SOCS5: variants seen among roughly 807,000 people sequenced by gnomAD.
The protein encoded by SOCS5 is CIS-6.
Under a neutral mutation model 42.8 loss-of-function variants are expected in SOCS5, and 32 were observed. That is an observed-to-expected ratio of 0.75 (90% CI 0.56 to 1.01). The LOEUF is 1.01. SOCS5 is among the 50% of genes least tolerant of loss of function. The pLI, the probability that SOCS5 is intolerant of heterozygous loss-of-function variation, is 0.00. For synonymous variants in SOCS5, 283 were observed against 229.6 expected (o/e 1.23, Z -2.10); for missense variants, 627 against 653.0 (o/e 0.96, Z 0.43).
intron 1 of SOCS5, among the ~76,000 whole-genome samples, chr2:46,732,854 A>G (rs948336240): frequency 2.6e-5 from 4 of 152,168 alleles, no homozygotes; most frequent in African/African-American, 9.7e-5. Context: ...ATCTCTTGAT[A>G]TTAAGGGCCA....
Position 46,758,967 on chromosome 2 carries a change from G to C in SOCS5, c.437G>C (p.Arg146Pro), listed in dbSNP as rs768070642. 6.2e-7 allele frequency: 1 copy of C among 1,613,822 alleles called. No individual in the cohort carries two copies. The highest frequency in any genetic ancestry group is 1.3e-5 in the African/African-American group (1 of 74,928). ...LDADKKFGRT[R>P]SGLQRRERRY... ...GCTGATAAAAAGTTTGGTAGAACTC[G>C]AAGTGGACTTCAAAGGAGAGAGAGG... Residue 146 changes from arginine to proline, a missense_variant, in exon 2 of 2, where the codon CGA (arginine) becomes CCA (proline). Arg to Pro is a moderately radical substitution (Grantham distance 103). Transcript: ENST00000394861.
chr2:46,699,942 G>A lies in SOCS5; in HGVS notation c.-13+493G>A, dbSNP rs1013814020. Among the ~76,000 whole-genome samples the A allele has an allele frequency of 2.0e-5, 3 of 152,112 alleles. No homozygotes were observed. The highest frequency in any genetic ancestry group is 7.2e-5 in the African/African-American group (3 of 41,408). On this transcript the variant is annotated intron_variant, in intron 1 of 1. Coordinates refer to ENST00000394861, the MANE Select transcript of SOCS5 (RefSeq NM_144949.3). This position sits in a 1 kb window ranked among gnomAD's most constrained non-coding sequence, Gnocchi z 4.8. ...AGGTCGAGGAGAAAAGATCCTCTTG[G>A]GGATGAGGGAGGGAACCAATGAGTA...
chr2:46,724,048 T>A (rs1278214510), intron 1 of SOCS5, among the ~76,000 whole-genome samples: 1 of 152,082 alleles, frequency 6.6e-6, no homozygotes, highest in Non-Finnish European at 1.5e-5. Flanking sequence ...TTTTAGTTTC[T>A]GACTGTTCAT....
chr2:46,724,999 C>G (rs536802374), intron 1 of SOCS5, among the ~76,000 whole-genome samples: 21 of 151,982 alleles, frequency 1.4e-4, no homozygotes, highest in Admixed American at 2.6e-4. Flanking sequence ...TTGTCTGTTT[C>G]TCCTTCCAGT....
chr2:46,700,963 G>A (rs1450089499), intron 1 of SOCS5, among the ~76,000 whole-genome samples: 1 of 152,014 alleles, frequency 6.6e-6, no homozygotes, highest in Non-Finnish European at 1.5e-5. Context: ...TCATATTTTG[G>A]CCCTTTTATC....
intron 1 of SOCS5, among the ~76,000 whole-genome samples, chr2:46,750,394 T>C (rs1254892703): frequency 6.6e-6 from 1 of 152,122 alleles, no homozygotes; most frequent in African/African-American, 2.4e-5. Context: ...CCTAAAATTG[T>C]CTTTTTTGGA....
At chr2:46,727,605 G>T (rs992095836) in intron 1 of SOCS5, among the ~76,000 whole-genome samples, 1 of 152,122 alleles carries the variant, frequency 6.6e-6, no homozygotes, top group African/African-American at 2.4e-5. Context: ...GTGCTTCGCT[G>T]TTTGGGTCTG....
intron 1 of SOCS5, among the ~76,000 whole-genome samples, chr2:46,728,156 G>T (rs1673038356): frequency 6.6e-6 from 1 of 152,182 alleles, no homozygotes; most frequent in South Asian, 2.1e-4. Flanking sequence ...AGTCCAGGTG[G>T]CAGGATACAA....
chr2:46,717,234 A>G (rs1672767662), intron 1 of SOCS5, among the ~76,000 whole-genome samples: 1 of 152,172 alleles, frequency 6.6e-6, no homozygotes, highest in Admixed American at 6.5e-5. Context: ...ACGTCAGCTT[A>G]GTGAGACTAC....
intron 1 of SOCS5, among the ~76,000 whole-genome samples, chr2:46,709,153 C>T (rs986769790): frequency 3.3e-5 from 5 of 152,050 alleles, no homozygotes; most frequent in East Asian, 1.9e-4. Context: ...CAAAGTGCTG[C>T]GATTACAGGC....
intron 1 of SOCS5, among the ~76,000 whole-genome samples, chr2:46,713,272 T>C (rs1672668443): frequency 1.3e-5 from 2 of 152,136 alleles, no homozygotes; most frequent in Non-Finnish European, 2.9e-5. Context: ...AGGAAGATCC[T>C]TTGAGCCTGG....
chr2:46,741,852 C>T (rs1158315940), intron 1 of SOCS5, among the ~76,000 whole-genome samples: 1 of 152,068 alleles, frequency 6.6e-6, no homozygotes, highest in South Asian at 2.1e-4. Context: ...TGAATATTTC[C>T]TGCATATAAA....
At chr2:46,748,122 C>T (rs78331617) in intron 1 of SOCS5, among the ~76,000 whole-genome samples, 5,861 of 152,022 alleles carry the variant, frequency 0.039, 157 homozygotes, top group Middle Eastern at 0.15. Flanking sequence ...TCTCCCGATA[C>T]CCTTCTCAAA....
chr2:46,717,971 C>G (rs1672787120), intron 1 of SOCS5, among the ~76,000 whole-genome samples: 1 of 152,186 alleles, frequency 6.6e-6, no homozygotes, highest in Non-Finnish European at 1.5e-5. Flanking sequence ...GGAGATCTCT[C>G]TAAAGATTTC....
intron 1 of SOCS5, among the ~76,000 whole-genome samples, chr2:46,708,953 C>T (rs1672555081): frequency 7.1e-6 from 1 of 141,498 alleles, no homozygotes; most frequent in Non-Finnish European, 1.5e-5. Context: ...GTGGTGCCAT[C>T]TCGGCTCACT....
rs78577040 is a variant in SOCS5 at position 46,752,108 on chromosome 2, G to A, written c.-12-6411G>A. ...AACATTTACTGCCTGGCCTTTTGGA[G>A]AAAATGTTTGCTGAACCCTGTACCA... On this transcript the variant is annotated intron_variant, in intron 1 of 1. Coordinates refer to ENST00000394861, the MANE Select transcript of SOCS5 (RefSeq NM_144949.3). Among the ~76,000 whole-genome samples, 74 of 151,790 alleles carry A rather than the reference G, an allele frequency of 4.9e-4. 1 individual carries two copies. In the East Asian group the frequency reaches 0.013, roughly 27 times the overall value.
chr2:46,757,027 G>T (rs923892248), intron 1 of SOCS5, among the ~76,000 whole-genome samples: 3 of 152,168 alleles, frequency 2.0e-5, no homozygotes, highest in Non-Finnish European at 4.4e-5. Context: ...GTGCCTGACA[G>T]TGTGCTTTTA....
intron 1 of SOCS5, among the ~76,000 whole-genome samples, chr2:46,726,071 G>A (rs1396067305): frequency 6.6e-6 from 1 of 151,706 alleles, no homozygotes; most frequent in Non-Finnish European, 1.5e-5. Flanking sequence ...TCTGGGCATG[G>A]ATTTCTTTGG....
At chr2:46,744,681 C>A (rs1257552871) in intron 1 of SOCS5, among the ~76,000 whole-genome samples, 1 of 151,834 alleles carries the variant, frequency 6.6e-6, no homozygotes, top group South Asian at 2.1e-4. Flanking sequence ...GCGCATGCCC[C>A]CATGCCCGCT....
Sources: gnomAD v4.1 joint callset for allele counts (sites outside exome capture counted in the v4.1 genomes callset) on GRCh38, gnomAD v4.1.1 for gene constraint, Gnocchi (gnomAD v3.1) non-coding constraint, MANE v1.5 for transcripts, NCBI Gene and HGNC (gene_info 2026-07-23, HGNC 2026-07-21) for gene names.